GCA: variants seen among roughly 807,000 people sequenced by gnomAD.
GCA encodes grancalcin, EF-hand calcium-binding protein.
In GCA, 30 loss-of-function variants were observed where a neutral mutation model predicts 32.6. The observed-to-expected ratio is 0.92, with a 90% confidence interval of 0.69 to 1.25. The LOEUF is 1.25. Among genes scored for constraint, GCA ranks in the 50% most tolerant of loss-of-function variants. GCA has a pLI of 0.00. For missense variants in GCA, 291 were observed against 266.8 expected (o/e 1.09, Z -0.63); for synonymous variants, 102 against 84.6 (o/e 1.21, Z -1.13).
upstream of GCA, among the ~76,000 whole-genome samples, chr2:162,341,267 T>TTATATATATATATATATATA (rs3052040): frequency 4.4e-4 from 51 of 116,240 alleles, no homozygotes; most frequent in South Asian, 9.0e-4. Flanking sequence ...CTTATTTATT[T>TTATATATATATATATATATA]TATATATATA....
intron 1 of GCA, among the ~76,000 whole-genome samples, chr2:162,331,912 A>C (rs1216058168): frequency 2.0e-5 from 3 of 152,204 alleles, no homozygotes; most frequent in Admixed American, 6.5e-5. Flanking sequence ...TCAGCAATTT[A>C]TGAAAGGACA....
At chr2:162,350,852 T>C (rs550116718) in intron 2 of GCA, among the ~76,000 whole-genome samples, 1 of 152,208 alleles carries the variant, frequency 6.6e-6, no homozygotes, top group Non-Finnish European at 1.5e-5. Flanking sequence ...ATGTTTCGTA[T>C]GGATGAATTA....
At chr2:162,373,192 T>G (rs1477280387), downstream of GCA, among the ~76,000 whole-genome samples, 3 of 152,088 alleles carry the variant, frequency 2.0e-5, no homozygotes, top group Non-Finnish European at 4.4e-5. Flanking sequence ...TTTAAGCAGG[T>G]TGATTCTGGA....
chr2:162,323,251 G>A (rs1683748897), intron 1 of GCA, among the ~76,000 whole-genome samples: 1 of 151,642 alleles, frequency 6.6e-6, no homozygotes, highest in Non-Finnish European at 1.5e-5. Context: ...TTTTTGATGG[G>A]GTTGTTTGTT....
intron 1 of GCA, among the ~76,000 whole-genome samples, chr2:162,325,006 A>G (rs1683825926): frequency 6.6e-6 from 1 of 152,194 alleles, no homozygotes; most frequent in Non-Finnish European, 1.5e-5. Context: ...AGAAAAAAAA[A>G]ACAAGTTCTA....
At chr2:162,370,657 T>C (rs1685900364) in intron 4 of GCA, among the ~76,000 whole-genome samples, 1 of 152,164 alleles carries the variant, frequency 6.6e-6, no homozygotes, top group Non-Finnish European at 1.5e-5. Context: ...CTAGGCCCAT[T>C]GCTTTCCCGC....
chr2:162,322,567 C>T (rs1576250041), intron 1 of GCA, among the ~76,000 whole-genome samples: 3 of 120,146 alleles, frequency 2.5e-5, no homozygotes, highest in East Asian at 3.0e-4. Flanking sequence ...CTCCCCCCAC[C>T]CCACAACAGT....
At chr2:162,366,031 A>G (rs1685739102), downstream of GCA, among the ~76,000 whole-genome samples, 1 of 151,742 alleles carries the variant, frequency 6.6e-6, no homozygotes, top group African/African-American at 2.4e-5. Context: ...TTTCAATATA[A>G]AAACATTAAA....
chr2:162,339,371 G>C (rs891505200), upstream of GCA, among the ~76,000 whole-genome samples: 2 of 151,968 alleles, frequency 1.3e-5, no homozygotes. Flanking sequence ...GGAAATCTAT[G>C]TTAAGGAATA....
At chr2:162,319,549 T>C (rs886165683) in intron 1 of GCA, among the ~76,000 whole-genome samples, 5 of 152,214 alleles carry the variant, frequency 3.3e-5, no homozygotes, top group African/African-American at 1.2e-4. Context: ...AATTAGCAAC[T>C]AATGTACCAA....
chr2:162,373,234 T>C (rs1686030693), downstream of GCA, among the ~76,000 whole-genome samples: 1 of 152,198 alleles, frequency 6.6e-6, no homozygotes, highest in Non-Finnish European at 1.5e-5. Flanking sequence ...AAAATGCTAA[T>C]GTTTAAAATT....
At chr2:162,371,605 A>G (rs1261511292), downstream of GCA, 2 of 815,200 alleles carry the variant, frequency 2.5e-6, no homozygotes, top group Non-Finnish European at 3.6e-6. Flanking sequence ...AGGTGCCGTG[A>G]GATGCTGGCA....
intron 1 of GCA, among the ~76,000 whole-genome samples, chr2:162,323,255 G>T (rs1231079671): frequency 6.6e-6 from 1 of 151,756 alleles, no homozygotes; most frequent in Non-Finnish European, 1.5e-5. Flanking sequence ...TGATGGGGTT[G>T]TTTGTTTTTT....
chr2:162,324,171 T>C (rs1315628988), intron 1 of GCA, among the ~76,000 whole-genome samples: 2 of 152,142 alleles, frequency 1.3e-5, no homozygotes, highest in African/African-American at 4.8e-5. Flanking sequence ...AGTTTTGCTG[T>C]CTATAGGTGG....
At chr2:162,370,667 C>T (rs1447130982) in intron 4 of GCA, among the ~76,000 whole-genome samples, 1 of 152,138 alleles carries the variant, frequency 6.6e-6, no homozygotes, top group Admixed American at 6.6e-5. Context: ...TGCTTTCCCG[C>T]AGCTGCAATT....
In GCA at chr2:162,361,009, G is replaced by A. The variant is rs1685547075; in HGVS notation, c.*766G>A. The A allele has an allele frequency of 4.8e-6, 5 of 1,042,744 alleles. No individual in the cohort carries two copies. The South Asian group carries it at 2.3e-4, about 49-fold the overall frequency. 64.6% of individuals were successfully genotyped at this position (1,042,744 alleles called of 1,614,324 possible). A position where few individuals can be genotyped will look rare whatever the true frequency, so the allele number is the denominator to read the frequency against. ...TCTGAATCTAGACTTTTTAGAAATG[G>A]CATATGTTTTTGATGATATGTCAAC... On this transcript the variant is annotated 3_prime_UTR_variant, in exon 8 of 8. Coordinates refer to ENST00000437150, the MANE Select transcript of GCA (RefSeq NM_012198.5).
At chr2:162,327,637 A>G (rs1423365362) in intron 1 of GCA, among the ~76,000 whole-genome samples, 1 of 152,090 alleles carries the variant, frequency 6.6e-6, no homozygotes, top group Non-Finnish European at 1.5e-5. Context: ...TGGCTGCTGC[A>G]GGCACGCCTA....
intron 4 of GCA, among the ~76,000 whole-genome samples, chr2:162,369,624 T>G (rs1685860534): frequency 6.6e-6 from 1 of 152,022 alleles, no homozygotes; most frequent in Non-Finnish European, 1.5e-5. Flanking sequence ...CACTAATCAA[T>G]CAGATCTCCA....
chr2:162,369,191 CAG>C (rs1465289588), intron 4 of GCA, among the ~76,000 whole-genome samples: 2 of 151,982 alleles, frequency 1.3e-5, no homozygotes, highest in East Asian at 3.9e-4. Flanking sequence ...CAATAGCCAA[CAG>C]GGGGGATGAT....
Sources: gnomAD v4.1 joint callset for allele counts (sites outside exome capture counted in the v4.1 genomes callset) on GRCh38, gnomAD v4.1.1 for gene constraint, MANE v1.5 for transcripts, NCBI Gene and HGNC (gene_info 2026-07-23, HGNC 2026-07-21) for gene names.